Variants in RGS14 observed in about 807,000 individuals in gnomAD.
RGS14 encodes the protein regulator of G protein signaling 14.
A neutral mutation model predicts 63.8 loss-of-function variants in RGS14; 33 were observed. The observed-to-expected ratio is 0.52, with a 90% CI of 0.39 to 0.69. The LOEUF (loss-of-function observed/expected upper bound fraction) is 0.69, where lower values mean the gene tolerates loss of function less well. Ranked by LOEUF, RGS14 falls within the 30% of genes least tolerant of loss-of-function variation. RGS14 has a pLI of 0.00. For missense variants in RGS14, 739 were observed against 742.9 expected (o/e 0.99, Z 0.06); for synonymous variants, 296 against 320.9 (o/e 0.92, Z 0.83).
chr5:177,370,113 A>G (rs1762201722), intron 9 of RGS14, among the ~76,000 whole-genome samples: 1 of 152,198 alleles, frequency 6.6e-6, no homozygotes, highest in Non-Finnish European at 1.5e-5. Flanking sequence ...GTAGCGGGGA[A>G]TGGAGAGAAG....
chr5:177,371,079 C>CGGGGCGGGGCGGGG lies in RGS14; in HGVS notation c.1254+48_1254+49insGGGGCGGGGCGGGG, dbSNP rs1417125954. Reference sequence around the variant, plus strand: ...GGGGCGGGGCGGGGCCGGGCCGGGGCCGGGGCCGGGGCCGGGGCCGGGGCC... The same window carrying CGGGGCGGGGCGGGG: ...GGGGCGGGGCGGGGCCGGGCCGGGGCGGGGCGGGGCGGGGCGGGGCCGGGGCCGGGGCCGGGGCC... On this transcript the variant is annotated intron_variant, in intron 11 of 14. Coordinates refer to ENST00000408923, the MANE Select transcript of RGS14 (RefSeq NM_006480.5). This position sits in a 1 kb window ranked among gnomAD's most constrained non-coding sequence, Gnocchi z 6.1. 17 of 233,094 alleles carry CGGGGCGGGGCGGGG rather than the reference C, an allele frequency of 7.3e-5. No homozygotes were observed. In the African/African-American group the frequency reaches 1.8e-3, roughly 24 times the overall value. 14.4% of individuals were successfully genotyped at this position (233,094 alleles called of 1,614,324 possible).
At position 177,371,244 on chromosome 5, in the gene RGS14, C is replaced by T. The variant is rs774931861; in HGVS notation, c.1334C>T (p.Pro445Leu). Reference protein sequence around the residue: ...AAQRLVLDTLPGVKISKARDK... With the variant: ...AAQRLVLDTLLGVKISKARDK... ...CAGAGACTGGTTTTGGACACTCTTC[C>T]AGGTAGGGGACGCTGGCCTCGGGGC... Residue 445 changes from proline to leucine, a missense_variant and splice_region_variant, in exon 12 of 15, where the codon CCA (proline) becomes CTA (leucine). Transcript: ENST00000408923. This position sits in a 1 kb window ranked among gnomAD's most constrained non-coding sequence, Gnocchi z 6.1. 1 of 1,614,066 alleles carries T rather than the reference C, an allele frequency of 6.2e-7. No individual in the cohort carries two copies. The highest frequency in any genetic ancestry group is 2.2e-5 in the East Asian group (1 of 44,878).
In RGS14 at chr5:177,366,507, C is replaced by G. The variant is rs1319080642; in HGVS notation, c.246+152C>G. ...CCTCTTCTCCCAGCTGGGAACTTTT[C>G]TTCCTTCTCCCTGTCCTTGTCTCTG... On this transcript the variant is annotated intron_variant, in intron 3 of 14. Transcript: ENST00000408923. 6 of 830,600 alleles carry G rather than the reference C, an allele frequency of 7.2e-6. 1 individual carries two copies. The highest frequency in any genetic ancestry group is 6.9e-5 in the African/African-American group (4 of 58,134). The allele number at this position is 830,600 out of a possible 1,614,324, so 51.5% of individuals were successfully genotyped here. A position where few individuals can be genotyped will look rare whatever the true frequency, so the allele number is the denominator to read the frequency against.
chr5:177,362,372 G>A (rs1171789653), intron 1 of RGS14, among the ~76,000 whole-genome samples: 2 of 152,196 alleles, frequency 1.3e-5, no homozygotes, highest in African/African-American at 4.8e-5. Flanking sequence ...TTGGGAGCAC[G>A]AGGCAAAGAC....
rs773402848 is a variant in RGS14 at position 177,368,913 on chromosome 5, A to G, written c.1046A>G (p.Asn349Ser). The G allele has an allele frequency of 1.9e-6, 3 of 1,614,062 alleles. No individual in the cohort carries two copies. Among genetic ancestry groups the G allele is most frequent in the South Asian group, 2.2e-5 (2 of 91,088 alleles). ...LPDIKVYLVG[N>S]EQALVLDQDC... ...GACATCAAGGTCTACCTGGTGGGCA[A>G]TGAACAGGTGGGAACGTGACCTGGC... The change falls in exon 9 of 15, where the codon AAT becomes AGT. Residue 349 changes from asparagine (N) to serine (S), a missense_variant. Asn to Ser is a conservative substitution (Grantham distance 46). Coordinates refer to ENST00000408923, the MANE Select transcript of RGS14 (RefSeq NM_006480.5).
chr5:177,363,187 T>TC (rs1471480061), intron 1 of RGS14, among the ~76,000 whole-genome samples: 1 of 152,126 alleles, frequency 6.6e-6, no homozygotes, highest in Non-Finnish European at 1.5e-5. Flanking sequence ...CCGTCCCTCC[T>TC]CGCAGCCCTC....
Position 177,366,221 on chromosome 5 carries a change from G to T in RGS14, c.112G>T (p.Gly38Cys), listed in dbSNP as rs1236237289. The change falls in exon 3 of 15, where the codon GGC becomes TGC. Residue 38 changes from glycine to cysteine, a missense_variant. By Grantham distance (159) the Gly-to-Cys change is radical. Coordinates refer to ENST00000408923, the MANE Select transcript of RGS14 (RefSeq NM_006480.5). ...GCCCCAGGGCCAGGGCGAGGGCCGC[G>T]GCAGCTCTCTCAGCATCCACAGCCT... ...TGPQGQGEGR[G>C]SSLSIHSLPS... 6 of 1,602,852 alleles carry T rather than the reference G, an allele frequency of 3.7e-6. No individual in the cohort carries two copies. Among genetic ancestry groups the T allele is most frequent in the African/African-American group, 1.3e-5 (1 of 74,720 alleles).
rs1489351341 is a variant in RGS14 at position 177,366,172 on chromosome 5, T to C, written c.68-5T>C. 1 of 1,604,308 alleles carries C rather than the reference T, an allele frequency of 6.2e-7. No individual in the cohort carries two copies. Among genetic ancestry groups the C allele is most frequent in the South Asian group, 1.1e-5 (1 of 89,614 alleles). On this transcript the variant is annotated splice_region_variant and splice_polypyrimidine_tract_variant and intron_variant, in intron 2 of 14. Transcript: ENST00000408923. ...GCTCACCCCAACTTGTCCATCCCCC[T>C]GCAGAGCTGAGCAGCACGACGGGGC...
chr5:177,366,069 A>G (rs1762083349), intron 2 of RGS14, 85 bp downstream of exon 2: 3 of 1,597,888 alleles, frequency 1.9e-6, no homozygotes, highest in South Asian at 2.2e-5. Context: ...GCCACCTGCT[A>G]TCTTTCCAGG....
intron 8 of RGS14, 102 bp downstream of exon 8, chr5:177,368,368 G>C: frequency 1.6e-6 from 2 of 1,256,236 alleles, no homozygotes; most frequent in Non-Finnish European, 2.2e-6. Context: ...TCCTTACTGC[G>C]TCTCCCAGCT....
At position 177,358,240 on chromosome 5, in the gene RGS14, C is replaced by A. The variant is rs534007729; in HGVS notation, c.45+171C>A. ...AGGACCTGGTGCTCTCACCCCTAGA[C>A]CCTTCCAGATGGCCCAGCCGGGAGC... On this transcript the variant is annotated intron_variant, in intron 1 of 14. Coordinates refer to ENST00000408923, the MANE Select transcript of RGS14 (RefSeq NM_006480.5). This position sits in a 1 kb window ranked among gnomAD's most constrained non-coding sequence, Gnocchi z 4.8. Among the ~76,000 whole-genome samples, 1 of 152,338 alleles carries A rather than the reference C, an allele frequency of 6.6e-6. No homozygotes were observed. The highest frequency in any genetic ancestry group is 1.9e-4 in the East Asian group (1 of 5,188).
intron 5 of RGS14, 34 bp downstream of exon 5, chr5:177,367,068 G>A (rs1457827428): frequency 1.9e-6 from 3 of 1,580,032 alleles, no homozygotes; most frequent in East Asian, 2.2e-5. Flanking sequence ...CCTTGAAAGG[G>A]AGACAAAAGG....
Position 177,359,812 on chromosome 5 carries a change from G to A in RGS14, c.45+1743G>A, listed in dbSNP as rs1581613014. Among the ~76,000 whole-genome samples, 2 of 152,364 alleles carry A rather than the reference G, an allele frequency of 1.3e-5. No individual in the cohort carries two copies. Among genetic ancestry groups the A allele is most frequent in the South Asian group, 2.1e-4 (1 of 4,834 alleles). On this transcript the variant is annotated intron_variant, in intron 1 of 14. Coordinates refer to ENST00000408923, the MANE Select transcript of RGS14 (RefSeq NM_006480.5). This position sits in a 1 kb window ranked among gnomAD's most constrained non-coding sequence, Gnocchi z 4.4. ...CCAGACAGGCACTGGGATCTGAGGT[G>A]CGGATGTGGATGGAGGGGCGCCTGG...
At chr5:177,367,267 TG>T in intron 5 of RGS14, 146 bp from the exon 6 acceptor site, 2 of 1,165,026 alleles carry the variant, frequency 1.7e-6, no homozygotes, top group Non-Finnish European at 2.3e-6. Flanking sequence ...ACCCCGGGGG[TG>T]GGTATAGGAA....
At position 177,366,296 on chromosome 5, in the gene RGS14, A is replaced by T. The variant is rs1481970683; in HGVS notation, c.187A>T (p.Ser63Cys). The change falls in exon 3 of 15, where the codon AGC becomes TGC. Residue 63 changes from serine to cysteine, a missense_variant. Physicochemically the swap from Ser to Cys is moderately radical, Grantham distance 112 (BLOSUM62 -1). Coordinates refer to ENST00000408923, the MANE Select transcript of RGS14 (RefSeq NM_006480.5). The part of the protein sequence containing the change: ...PFPTEEQPVA[S>C]WALSFERLLQ... ...CCCAACCGAGGAGCAGCCTGTGGCC[A>T]GCTGGGCCCTGTCCTTCGAGCGGCT... The T allele has an allele frequency of 1.3e-6, 2 of 1,560,744 alleles. No individual in the cohort carries two copies. Among genetic ancestry groups the T allele is most frequent in the Non-Finnish European group, 1.7e-6 (2 of 1,153,276 alleles).
Position 177,367,719 on chromosome 5 carries a change from G to A in RGS14, c.633G>A (p.Pro211=), listed in dbSNP as rs1213585583. The A allele has an allele frequency of 1.2e-6, 2 of 1,612,696 alleles. No homozygotes were observed. The highest frequency in any genetic ancestry group is 1.7e-5 in the Admixed American group (1 of 59,872). ...LGSPDATRKK[P]KLKPGKSLPL... is the part of the protein sequence containing the mutation. ...CGCCTCCCCTGTACCCACAGAAGCC[G>A]AAGCTGAAGCCCGGGAAGTCGCTGC... Residue 211 remains proline (P), a synonymous_variant, in exon 7 of 15, where the codon CCG becomes CCA. Transcript: ENST00000408923.
chr5:177,366,839 G>A (rs367624214), intron 4 of RGS14, 39 bp downstream of exon 4: 53 of 1,613,904 alleles, frequency 3.3e-5, no homozygotes, highest in Non-Finnish European at 3.7e-5. Context: ...GCTGGGGAGA[G>A]GGGAACTGGG....
Position 177,372,353 on chromosome 5 carries a change from A to C in RGS14, c.*278A>C, listed in dbSNP as rs998537229. 2.8e-4 allele frequency: 100 copies of C among 356,152 alleles called. No homozygotes were observed. Among genetic ancestry groups the C allele is most frequent in the East Asian group, 6.0e-4 (12 of 19,918 alleles). The allele number at this position is 356,152 out of a possible 1,614,324, so 22.1% of individuals were successfully genotyped here. On this transcript the variant is annotated 3_prime_UTR_variant, in exon 15 of 15. Coordinates refer to ENST00000408923, the MANE Select transcript of RGS14 (RefSeq NM_006480.5). ...GCCCCTTGGAACAGGCTTGCCCAACATGGAGGGATGGCGTTGGCAGTGCCA... is the reference window on the plus strand; with the variant it reads ...GCCCCTTGGAACAGGCTTGCCCAACCTGGAGGGATGGCGTTGGCAGTGCCA...
Position 177,366,875 on chromosome 5 carries a change from G to C in RGS14, c.340-16G>C. On this transcript the variant is annotated splice_polypyrimidine_tract_variant and intron_variant, in intron 4 of 14. Coordinates refer to ENST00000408923, the MANE Select transcript of RGS14 (RefSeq NM_006480.5). ...CCACGCTCCCTGACCAACTCCTCCTGTCCCTCCTCCTTCAGCTAGCTCAGG... is the reference window on the plus strand; with the variant it reads ...CCACGCTCCCTGACCAACTCCTCCTCTCCCTCCTCCTTCAGCTAGCTCAGG... The C allele has an allele frequency of 1.9e-6, 3 of 1,613,526 alleles. No individual in the cohort carries two copies. The highest frequency in any genetic ancestry group is 2.5e-6 in the Non-Finnish European group (3 of 1,179,564).
Sources: gnomAD v4.1 joint callset for allele counts (sites outside exome capture counted in the v4.1 genomes callset) on GRCh38, gnomAD v4.1.1 for gene constraint, Gnocchi (gnomAD v3.1) non-coding constraint, MANE v1.5 for transcripts, NCBI Gene and HGNC (gene_info 2026-07-23, HGNC 2026-07-21) for gene names.